CALCR: variants seen among roughly 807,000 people sequenced by gnomAD.
The protein encoded by CALCR is calcitonin receptor.
In CALCR, 47 loss-of-function variants were observed where a neutral mutation model predicts 59.5. The observed-to-expected ratio is 0.79, with a 90% CI of 0.63 to 1.01. The LOEUF (loss-of-function observed/expected upper bound fraction) is 1.01, where lower values mean the gene tolerates loss of function less well. Ranked by LOEUF, CALCR falls within the 50% of genes least tolerant of loss-of-function variation. The pLI is 0.00. For missense variants in CALCR, 566 were observed against 597.1 expected, an observed-to-expected ratio of 0.95 and a Z score of 0.54; for synonymous variants, 213 against 211.3, an observed-to-expected ratio of 1.01 and a Z score of -0.07.
In CALCR at chr7:93,558,548, G is replaced by A. The variant is rs568390184; in HGVS notation, c.-27+15741C>T. On this transcript the variant is annotated intron_variant, in intron 2 of 13. Transcript: ENST00000426151. Reference sequence around the variant, plus strand: ...AGAGATATTGAGAGGAAAAAGGTAGGTTTCACATGTCTTGCTGTTCTTGAT... The same window carrying A: ...AGAGATATTGAGAGGAAAAAGGTAGATTTCACATGTCTTGCTGTTCTTGAT... Among the ~76,000 whole-genome samples, 15 of 152,128 alleles carry A rather than the reference G, an allele frequency of 9.9e-5. 1 individual carries two copies. The South Asian group carries it at 3.1e-3, about 32-fold the overall frequency.
At chr7:93,572,941 T>C (rs1433011846) in intron 2 of CALCR, among the ~76,000 whole-genome samples, 8 of 152,204 alleles carry the variant, frequency 5.3e-5, no homozygotes, top group Non-Finnish European at 8.8e-5. Flanking sequence ...CTATAGTTCA[T>C]AAAATAAACT....
chr7:93,480,234 A>T (rs778121113), intron 3 of CALCR, among the ~76,000 whole-genome samples: 1 of 151,886 alleles, frequency 6.6e-6, no homozygotes, highest in Non-Finnish European at 1.5e-5. Flanking sequence ...TTCAAAGGTA[A>T]TGTGGGTGTT....
chr7:93,568,467 A>C (rs1789916271), intron 2 of CALCR, among the ~76,000 whole-genome samples: 1 of 145,200 alleles, frequency 6.9e-6, no homozygotes, highest in Non-Finnish European at 1.5e-5. Context: ...AACATCCCGC[A>C]TGAGTGCTCG....
intron 2 of CALCR, among the ~76,000 whole-genome samples, chr7:93,503,807 T>C (rs1226795981): frequency 6.6e-6 from 1 of 152,168 alleles, no homozygotes; most frequent in Non-Finnish European, 1.5e-5. Context: ...TTAAAAAGTT[T>C]GACAATAATC....
Position 93,486,970 on chromosome 7 carries a change from T to C in CALCR, c.12A>G (p.Thr4=). Residue 4 remains threonine (T), a synonymous_variant, in exon 3 of 14, where the codon ACA becomes ACG. Transcript: ENST00000426151. Reference sequence around the variant, plus strand: ...ACAGTGCCAAGCACCGGCTTGTAAATGTGAACCTCATTTTTGATTTTTGAA... The same window carrying C: ...ACAGTGCCAAGCACCGGCTTGTAAACGTGAACCTCATTTTTGATTTTTGAA... MRF[T]FTSRCLALFL... is the part of the protein sequence containing the mutation. The C allele has an allele frequency of 6.2e-7, 1 of 1,602,256 alleles. No individual in the cohort carries two copies. Among genetic ancestry groups the C allele is most frequent in the South Asian group, 1.1e-5 (1 of 89,892 alleles).
intron 7 of CALCR, 68 bp downstream of exon 7, chr7:93,468,647 C>G (rs1477520674): frequency 1.8e-6 from 2 of 1,117,204 alleles, no homozygotes; most frequent in East Asian, 4.8e-5. Flanking sequence ...TCCACTCTTG[C>G]AGAATTCACC....
chr7:93,489,495 T>A (rs887153611), intron 2 of CALCR, among the ~76,000 whole-genome samples: 11 of 150,894 alleles, frequency 7.3e-5, no homozygotes, highest in Non-Finnish European at 7.4e-5. Context: ...TTTAAAAAAA[T>A]TTAAAAAATA....
intron 2 of CALCR, among the ~76,000 whole-genome samples, chr7:93,548,508 T>C (rs1331429787): frequency 1.3e-5 from 2 of 152,150 alleles, no homozygotes; most frequent in East Asian, 3.8e-4. Context: ...ATAACTATAA[T>C]AAAACTCCAA....
intron 2 of CALCR, among the ~76,000 whole-genome samples, chr7:93,572,589 T>G (rs932243702): frequency 6.6e-6 from 1 of 152,168 alleles, no homozygotes; most frequent in African/African-American, 2.4e-5. Context: ...AGATAATATT[T>G]CCATTCATGT....
At chr7:93,551,849 T>C (rs1367261261) in intron 2 of CALCR, among the ~76,000 whole-genome samples, 5 of 152,168 alleles carry the variant, frequency 3.3e-5, no homozygotes, top group Non-Finnish European at 1.5e-5. Flanking sequence ...CCCATTTAAG[T>C]AGAGATTTCA....
Position 93,482,507 on chromosome 7 carries a change from TG to T in CALCR, c.52-3001del, listed in dbSNP as rs1179388316. Among the ~76,000 whole-genome samples the T allele has an allele frequency of 2.0e-5, 3 of 151,870 alleles. 1 individual carries two copies. Among genetic ancestry groups the T allele is most frequent in the Non-Finnish European group, 4.4e-5 (3 of 67,868 alleles). ...CACTGGGAAGTATTTTGTTTAAATC[TG>T]GCTTTCTTCCCAAAAGTAACATTCT... On this transcript the variant is annotated intron_variant, in intron 3 of 13. Transcript: ENST00000426151.
intron 2 of CALCR, among the ~76,000 whole-genome samples, chr7:93,489,343 C>T (rs1214241243): frequency 2.0e-5 from 3 of 151,762 alleles, no homozygotes; most frequent in African/African-American, 7.3e-5. Context: ...CCTAATATCA[C>T]AATTAAAAGA....
At chr7:93,467,802 CAAT>C (rs981684066) in intron 7 of CALCR, among the ~76,000 whole-genome samples, 6 of 150,930 alleles carry the variant, frequency 4.0e-5, no homozygotes, top group South Asian at 2.1e-4. Context: ...TTATTACTAC[CAAT>C]AATAATAATA....
In CALCR at chr7:93,442,947, C is replaced by A. The variant is rs547829030; in HGVS notation, c.802+657G>T. ...AGGGGGAGCTGGACTTTCAGCAGCC[C>A]TGGGGGAAAGGGAGCAATTCTAGAG... On this transcript the variant is annotated intron_variant, in intron 9 of 13. Transcript: ENST00000426151. 1.0e-3 allele frequency among the ~76,000 whole-genome samples: 153 copies of A among 152,246 alleles called. 2 individuals carry two copies. Among genetic ancestry groups the A allele is most frequent in the Non-Finnish European group, 1.9e-3 (130 of 67,992 alleles).
At chr7:93,469,040 A>G (rs1463136760) in intron 6 of CALCR, among the ~76,000 whole-genome samples, 1 of 151,918 alleles carries the variant, frequency 6.6e-6, no homozygotes, top group Non-Finnish European at 1.5e-5. Flanking sequence ...GAAGTACCTC[A>G]TTCAAAAATA....
chr7:93,535,105 G>A (rs1210697213), intron 2 of CALCR, among the ~76,000 whole-genome samples: 4 of 151,580 alleles, frequency 2.6e-5, no homozygotes, highest in Non-Finnish European at 3.0e-5. Context: ...ATTGTTTCAT[G>A]GCTATTAATA....
At chr7:93,511,592 G>A (rs2116047242) in intron 2 of CALCR, among the ~76,000 whole-genome samples, 1 of 152,106 alleles carries the variant, frequency 6.6e-6, no homozygotes, top group African/African-American at 2.4e-5. Context: ...GTGGGAAAAT[G>A]TAATTCCTTT....
intron 9 of CALCR, chr7:93,441,575 A>C (rs931116124): frequency 2.2e-6 from 1 of 453,036 alleles, no homozygotes; most frequent in Admixed American, 2.4e-5. Flanking sequence ...AAAAATAGTA[A>C]AAGACCATTT....
chr7:93,443,408 T>A (rs1252944328), intron 9 of CALCR, among the ~76,000 whole-genome samples, 196 bp downstream of exon 9: 1 of 152,108 alleles, frequency 6.6e-6, no homozygotes, highest in Non-Finnish European at 1.5e-5. Context: ...CAGACCCTCA[T>A]GTTCAGCACA....
Sources: gnomAD v4.1 joint callset for allele counts (sites outside exome capture counted in the v4.1 genomes callset) on GRCh38, gnomAD v4.1.1 for gene constraint, MANE v1.5 for transcripts, NCBI Gene and HGNC (gene_info 2026-07-23, HGNC 2026-07-21) for gene names.